The following ABCA13 variants were observed in gnomAD, a reference collection of about 807,000 sequenced individuals.
The protein encoded by ABCA13 is ATP binding cassette subfamily A member 13.
In ABCA13, 476 loss-of-function variants were observed where a neutral mutation model predicts 478.7. The ratio of observed to expected loss-of-function variants is 0.99; its 90% CI spans 0.92 to 1.07. The LOEUF (loss-of-function observed/expected upper bound fraction) is 1.07. Among genes scored for constraint, ABCA13 ranks in the 50% least tolerant of loss-of-function variants. The probability of loss-of-function intolerance (pLI) is 0.00; values close to 1 mark genes in which losing one functional copy is unlikely to be tolerated. For synonymous variants in ABCA13, 2,252 were observed against 2,158.9 expected (o/e 1.04, Z -1.20); for missense variants, 6,060 against 5,910.6 (o/e 1.03, Z -0.83).
chr7:48,587,046 G>T, intron 56 of ABCA13, 108 bp from the exon 57 acceptor site: 3 of 1,431,786 alleles, frequency 2.1e-6, no homozygotes, highest in Non-Finnish European at 2.9e-6. Context: ...TATGTGTGAA[G>T]GTCGGCAGGG....
rs574551547 is a variant in ABCA13, at chr7:48,219,520, C to T, written c.439+15C>T. ...CAACACTCCAGGCAAGTAAACCTCT[C>T]ATAACTGTGACACTACCTACCTGGA... On this transcript the variant is annotated intron_variant, in intron 4 of 61. Coordinates refer to ENST00000435803, the MANE Select transcript of ABCA13 (RefSeq NM_152701.5). The T allele has an allele frequency of 1.9e-6, 3 of 1,599,326 alleles. No individual in the cohort carries two copies. Among genetic ancestry groups the T allele is most frequent in the African/African-American group, 1.4e-5 (1 of 73,752 alleles).
chr7:48,317,336 C>T (rs1270035279), intron 27 of ABCA13, 40 bp downstream of exon 27: 3 of 1,566,884 alleles, frequency 1.9e-6, no homozygotes, highest in Non-Finnish European at 2.6e-6. Flanking sequence ...ACCATACATA[C>T]ACTAAATCAG....
chr7:48,626,841 C>A, intron 59 of ABCA13: 1 of 985,442 alleles, frequency 1.0e-6, no homozygotes, highest in Non-Finnish European at 1.2e-6. Flanking sequence ...TTCCTAGGGA[C>A]ACTGATGGGC....
At chr7:48,345,780 T>C (rs1438009859) in intron 29 of ABCA13, among the ~76,000 whole-genome samples, 1 of 152,168 alleles carries the variant, frequency 6.6e-6, no homozygotes, top group Non-Finnish European at 1.5e-5. Flanking sequence ...ATAAAGTGTA[T>C]AAAGTTTATA....
At chr7:48,458,220 T>A (rs945333518) in intron 43 of ABCA13, among the ~76,000 whole-genome samples, 1 of 152,232 alleles carries the variant, frequency 6.6e-6, no homozygotes, top group Non-Finnish European at 1.5e-5. Flanking sequence ...CTGAGCACCA[T>A]GATCTAAATC....
chr7:48,224,240 G>C (rs1787820688), intron 5 of ABCA13, among the ~76,000 whole-genome samples: 1 of 152,194 alleles, frequency 6.6e-6, no homozygotes, highest in African/African-American at 2.4e-5. Context: ...CCCGAAGTCA[G>C]TTCAGCTTGA....
chr7:48,334,181 A>G (rs1805846534), intron 27 of ABCA13, among the ~76,000 whole-genome samples: 1 of 152,146 alleles, frequency 6.6e-6, no homozygotes, highest in Non-Finnish European at 1.5e-5. Flanking sequence ...GATCTTCTAC[A>G]TGTGTTGCAT....
chr7:48,631,097 G>T (rs1794125019), intron 59 of ABCA13, among the ~76,000 whole-genome samples: 2 of 151,502 alleles, frequency 1.3e-5, no homozygotes, highest in African/African-American at 2.4e-5. Context: ...TCATTCTGTG[G>T]GTTGTCTTTT....
intron 39 of ABCA13, among the ~76,000 whole-genome samples, chr7:48,405,764 C>T (rs1261017997): frequency 6.6e-6 from 1 of 152,136 alleles, no homozygotes; most frequent in Non-Finnish European, 1.5e-5. Context: ...AAAATAGATA[C>T]AATGAAAGTC....
chr7:48,267,382 T>A (rs559152934), intron 15 of ABCA13, among the ~76,000 whole-genome samples: 19 of 152,282 alleles, frequency 1.2e-4, no homozygotes, highest in African/African-American at 3.8e-4. Flanking sequence ...ATGTTCTTGA[T>A]TGATACTTTT....
chr7:48,470,340 T>C (rs1827346342), intron 44 of ABCA13, among the ~76,000 whole-genome samples: 1 of 152,138 alleles, frequency 6.6e-6, no homozygotes, highest in Admixed American at 6.5e-5. Context: ...AAGGGAGGAT[T>C]TGGAAGAGAA....
chr7:48,603,383 A>T (rs1489401336), intron 58 of ABCA13, among the ~76,000 whole-genome samples: 1 of 152,034 alleles, frequency 6.6e-6, no homozygotes. Context: ...AAATAATCTT[A>T]TTATTTTGCA....
chr7:48,377,590 C>T (rs2129037860), intron 35 of ABCA13, among the ~76,000 whole-genome samples: 1 of 152,162 alleles, frequency 6.6e-6, no homozygotes, highest in Non-Finnish European at 1.5e-5. Context: ...ATATGGGCCA[C>T]TGAAAAGATC....
At chr7:48,241,580 C>G (rs1474220143) in intron 10 of ABCA13, among the ~76,000 whole-genome samples, 1 of 152,188 alleles carries the variant, frequency 6.6e-6, no homozygotes, top group Non-Finnish European at 1.5e-5. Context: ...ACCAAAATAG[C>G]CGACTAGATC....
chr7:48,298,187 T>G (rs1421876054), intron 22 of ABCA13, among the ~76,000 whole-genome samples, 179 bp from the exon 23 acceptor site: 2 of 152,192 alleles, frequency 1.3e-5, no homozygotes, highest in South Asian at 2.1e-4. Flanking sequence ...TGGTTTATTG[T>G]CATATAAATT....
chr7:48,217,815 C>T (rs1278867002), intron 3 of ABCA13, among the ~76,000 whole-genome samples: 1 of 152,150 alleles, frequency 6.6e-6, no homozygotes, highest in African/African-American at 2.4e-5. Context: ...TGCCCAGTGG[C>T]CTTCTCTTGA....
At chr7:48,627,519 C>T (rs984628631) in intron 59 of ABCA13, among the ~76,000 whole-genome samples, 7 of 152,242 alleles carry the variant, frequency 4.6e-5, no homozygotes, top group South Asian at 2.1e-4. Context: ...TCACTTACTA[C>T]GTATGTAACT....
intron 46 of ABCA13, 37 bp from the exon 47 acceptor site, chr7:48,483,039 G>T (rs757390226): frequency 5.7e-5 from 88 of 1,555,682 alleles, no homozygotes; most frequent in African/African-American, 6.8e-5. Context: ...CTGGTGCTCT[G>T]TGGTTGAAGC....
At chr7:48,183,810 C>T (rs976920997) in intron 1 of ABCA13, among the ~76,000 whole-genome samples, 7 of 152,186 alleles carry the variant, frequency 4.6e-5, no homozygotes, top group East Asian at 1.9e-4. Context: ...CTCCCATTGA[C>T]GGGGTTTGCA....
Sources: allele counts gnomAD v4.1 joint callset (sites outside exome capture counted in the v4.1 genomes callset), GRCh38; gene constraint gnomAD v4.1.1; transcripts MANE v1.5; gene names NCBI Gene and HGNC (gene_info 2026-07-23, HGNC 2026-07-21).